Variants in ATP2B2 observed in about 807,000 individuals in gnomAD.
ATP2B2 encodes the protein ATPase plasma membrane Ca2+ transporting 2.
In ATP2B2, 15 loss-of-function variants were observed where a neutral mutation model predicts 120.0. The ratio of observed to expected loss-of-function variants is 0.12; its 90% CI spans 0.08 to 0.19. The LOEUF (loss-of-function observed/expected upper bound fraction) is 0.19, where lower values mean the gene tolerates loss of function less well. Among genes scored for constraint, ATP2B2 ranks in the 10% least tolerant of loss-of-function variants. The pLI is 1.00. For synonymous variants in ATP2B2, 694 were observed against 700.3 expected, an observed-to-expected ratio of 0.99 and a Z score of 0.14; for missense variants, 1,045 against 1,719.8, an observed-to-expected ratio of 0.61 and a Z score of 6.94.
chr3:10,558,029 C>T (rs567624185), intron 2 of ATP2B2, among the ~76,000 whole-genome samples: 8 of 152,262 alleles, frequency 5.3e-5, no homozygotes, highest in South Asian at 2.1e-4. Flanking sequence ...AGGAAGGAGA[C>T]GACAGGTCAT....
At chr3:10,457,377 C>T (rs1376494682) in intron 1 of ATP2B2, among the ~76,000 whole-genome samples, 3 of 151,994 alleles carry the variant, frequency 2.0e-5, no homozygotes, top group Admixed American at 6.6e-5. Flanking sequence ...GGTCTGGGGG[C>T]ACACCTGTGT....
At chr3:10,678,164 T>C (rs1205113506) in intron 1 of ATP2B2, among the ~76,000 whole-genome samples, 2 of 152,244 alleles carry the variant, frequency 1.3e-5, no homozygotes, top group African/African-American at 4.8e-5. Flanking sequence ...AAAAATGTTT[T>C]AAATTTATTT....
chr3:10,404,152 A>AG (rs1310960046), intron 3 of ATP2B2, among the ~76,000 whole-genome samples: 2 of 152,226 alleles, frequency 1.3e-5, no homozygotes, highest in African/African-American at 2.4e-5. Context: ...GGAAAATTCC[A>AG]GGTCTGGAAT....
chr3:10,472,080 CAAAAAAAAA>C (rs55895159), intron 1 of ATP2B2, among the ~76,000 whole-genome samples: 1 of 93,766 alleles, frequency 1.1e-5, no homozygotes, highest in Non-Finnish European at 2.3e-5. Context: ...GACTCCGTCT[CAAAAAAAAA>C]AAAAAAAAAA....
intron 2 of ATP2B2, among the ~76,000 whole-genome samples, chr3:10,444,343 C>T (rs977103505): frequency 1.3e-5 from 2 of 152,246 alleles, no homozygotes; most frequent in Non-Finnish European, 2.9e-5. Context: ...GTGGCAACAA[C>T]ACACGGAAGA....
At chr3:10,573,901 C>CTT (rs1288588521) in intron 2 of ATP2B2, among the ~76,000 whole-genome samples, 1 of 152,160 alleles carries the variant, frequency 6.6e-6, no homozygotes, top group Non-Finnish European at 1.5e-5. Flanking sequence ...CCTGGTCCTG[C>CTT]TTGCTCAAAC....
chr3:10,677,429 C>A (rs181505094), intron 1 of ATP2B2, among the ~76,000 whole-genome samples: 1 of 151,928 alleles, frequency 6.6e-6, no homozygotes, highest in African/African-American at 2.4e-5. Flanking sequence ...ATAGGTGGAG[C>A]GGGGATGTTT....
At chr3:10,681,597 GA>G (rs2071385734) in intron 1 of ATP2B2, among the ~76,000 whole-genome samples, 1 of 152,200 alleles carries the variant, frequency 6.6e-6, no homozygotes, top group Admixed American at 6.5e-5. Context: ...ATACAAGTAT[GA>G]AAAACAGACT....
At chr3:10,504,333 C>T (rs775964755) in intron 1 of ATP2B2, among the ~76,000 whole-genome samples, 2 of 152,208 alleles carry the variant, frequency 1.3e-5, no homozygotes, top group African/African-American at 2.4e-5. Flanking sequence ...TGGAAATACC[C>T]CAAACGTCAG....
rs554420377 is a variant in ATP2B2, at chr3:10,341,523, C to G, written c.2918-819G>C. Among the ~76,000 whole-genome samples, 16 of 152,306 alleles carry G rather than the reference C, an allele frequency of 1.1e-4. No homozygotes were observed. The South Asian group carries it at 3.3e-3, about 32-fold the overall frequency. ...ATGGGGTTTCTCCATGTTGGCCATG[C>G]TGGTCTCGAATTCCTGACCTCAAGT... On this transcript the variant is annotated intron_variant, in intron 19 of 22. Transcript: ENST00000360273.
chr3:10,686,185 T>C (rs562125422), intron 1 of ATP2B2, among the ~76,000 whole-genome samples: 3 of 151,992 alleles, frequency 2.0e-5, no homozygotes, highest in Non-Finnish European at 4.4e-5. Context: ...GCCTCTCTGA[T>C]AAAAGACAGC....
At position 10,480,484 on chromosome 3, in the gene ATP2B2, C is replaced by A. The variant is rs77766617; in HGVS notation, c.-320+24981G>T. Among the ~76,000 whole-genome samples the A allele has an allele frequency of 1.2e-3, 188 of 152,296 alleles. 1 individual carries two copies. In the South Asian group the frequency reaches 0.026, roughly 21 times the overall value. ...ACATCCCCAGAATGGTACAGGGAGA[C>A]CTGAGTGTCTCTTCTGAAGCACACA... On this transcript the variant is annotated intron_variant, in intron 1 of 22. Transcript: ENST00000360273.
chr3:10,542,328 C>A (rs1368740449), intron 2 of ATP2B2, among the ~76,000 whole-genome samples: 2 of 152,144 alleles, frequency 1.3e-5, no homozygotes, highest in African/African-American at 2.4e-5. Context: ...ATATTTAGAA[C>A]CACATCAGAC....
At chr3:10,618,140 G>C (rs1267233816) in intron 2 of ATP2B2, among the ~76,000 whole-genome samples, 1 of 152,234 alleles carries the variant, frequency 6.6e-6, no homozygotes, top group Non-Finnish European at 1.5e-5. Flanking sequence ...TGTTATTTCT[G>C]CAGGGATATG....
At chr3:10,684,535 A>C (rs1575621566) in intron 1 of ATP2B2, among the ~76,000 whole-genome samples, 1 of 152,350 alleles carries the variant, frequency 6.6e-6, no homozygotes, top group Middle Eastern at 3.4e-3. Flanking sequence ...TTCACAAATT[A>C]ATAGGTTCAT....
intron 9 of ATP2B2, 43 bp from the exon 10 acceptor site, chr3:10,378,453 A>G: frequency 6.3e-7 from 1 of 1,598,444 alleles, no homozygotes; most frequent in Non-Finnish European, 8.5e-7. Context: ...ACAGACACAT[A>G]GACACACATG....
chr3:10,465,221 A>C (rs1356467257), intron 1 of ATP2B2, among the ~76,000 whole-genome samples: 1 of 152,208 alleles, frequency 6.6e-6, no homozygotes, highest in Non-Finnish European at 1.5e-5. Flanking sequence ...CAAGTGCCAA[A>C]GTGCTTTCAA....
chr3:10,467,200 G>A (rs546185910), intron 1 of ATP2B2, among the ~76,000 whole-genome samples: 1 of 152,222 alleles, frequency 6.6e-6, no homozygotes, highest in Non-Finnish European at 1.5e-5. Flanking sequence ...CCTTGGATCA[G>A]ACAGAGTAAT....
chr3:10,359,130 T>C (rs2060823588), intron 13 of ATP2B2, among the ~76,000 whole-genome samples: 1 of 152,208 alleles, frequency 6.6e-6, no homozygotes. Context: ...CCCACTTTGA[T>C]GTATTATATA....
Sources: gnomAD v4.1 joint callset for allele counts (sites outside exome capture counted in the v4.1 genomes callset) on GRCh38, gnomAD v4.1.1 for gene constraint, MANE v1.5 for transcripts, NCBI Gene and HGNC (gene_info 2026-07-23, HGNC 2026-07-21) for gene names.